The following KHDRBS2 variants were observed in gnomAD, a reference collection of about 807,000 sequenced individuals.
The protein encoded by KHDRBS2 is KH RNA binding domain containing, signal transduction associated 2, also known as KH domain-containing, RNA-binding, signal transduction-associated protein 2.
KHDRBS2 carries 26 observed loss-of-function variants against 44.3 expected under a neutral mutation model. That is an observed-to-expected ratio of 0.59 (90% CI 0.43 to 0.81). KHDRBS2 has a LOEUF of 0.81. KHDRBS2 is among the 40% of genes least tolerant of loss of function. The probability of loss-of-function intolerance (pLI) is 0.00; values close to 1 mark genes in which losing one functional copy is unlikely to be tolerated. For missense variants in KHDRBS2, 476 were observed against 433.1 expected (o/e 1.10, Z -0.88); for synonymous variants, 194 against 151.1 (o/e 1.28, Z -2.08).
chr6:61,749,010 T>TTTTTTTTTTTTTTTTTTTTTTTTTCC (rs1777254800), intron 6 of KHDRBS2, among the ~76,000 whole-genome samples: 1 of 27,322 alleles, frequency 3.7e-5, no homozygotes, highest in African/African-American at 1.8e-4. Context: ...TCTTTCTTTC[T>TTTTTTTTTTTTTTTTTTTTTTTTTCC]TTTTTTTTTT....
intron 2 of KHDRBS2, among the ~76,000 whole-genome samples, chr6:62,139,350 A>C (rs1218564958): frequency 7.9e-5 from 12 of 152,042 alleles, no homozygotes; most frequent in Non-Finnish European, 1.6e-4. Flanking sequence ...CAGGAGATCG[A>C]GACCATCCTG....
chr6:61,901,210 A>G, intron 5 of KHDRBS2, 34 bp downstream of exon 5: 1 of 1,599,942 alleles, frequency 6.3e-7, no homozygotes, highest in South Asian at 1.1e-5. Flanking sequence ...GCCTGCCATC[A>G]TCCTTAATTT....
chr6:61,806,400 C>A (rs1028050312), intron 6 of KHDRBS2, among the ~76,000 whole-genome samples: 4 of 152,030 alleles, frequency 2.6e-5, no homozygotes, highest in Non-Finnish European at 4.4e-5. Context: ...TGGAGAGATG[C>A]CCAGGAAGCT....
At chr6:62,106,489 A>G (rs1387593906) in intron 2 of KHDRBS2, among the ~76,000 whole-genome samples, 2 of 152,104 alleles carry the variant, frequency 1.3e-5, no homozygotes, top group African/African-American at 4.8e-5. Context: ...CATATTTAGG[A>G]TAGTTAGCTA....
At chr6:61,829,308 C>T (rs887232386) in intron 6 of KHDRBS2, among the ~76,000 whole-genome samples, 1 of 151,860 alleles carries the variant, frequency 6.6e-6, no homozygotes, top group Non-Finnish European at 1.5e-5. Flanking sequence ...ACTACAGGCG[C>T]CCACCGCCAC....
intron 3 of KHDRBS2, among the ~76,000 whole-genome samples, chr6:61,987,502 T>C (rs1205045062): frequency 1.3e-5 from 2 of 152,222 alleles, no homozygotes; most frequent in African/African-American, 2.4e-5. Flanking sequence ...AGGCTTTTTC[T>C]TCTTGATGCC....
chr6:61,685,209 TAGTA>T (rs1561967791), intron 8 of KHDRBS2, among the ~76,000 whole-genome samples: 1 of 151,796 alleles, frequency 6.6e-6, no homozygotes, highest in African/African-American at 2.4e-5. Flanking sequence ...CAAATATACT[TAGTA>T]AGAACACAGG....
the KHDRBS2 span, among the ~76,000 whole-genome samples, chr6:61,608,490 C>T: frequency 1.3e-5 from 2 of 151,704 alleles, no homozygotes; most frequent in African/African-American, 2.4e-5. Context: ...GCAGAACATG[C>T]AGGTTTGTTA....
intron 3 of KHDRBS2, among the ~76,000 whole-genome samples, chr6:62,002,405 T>C (rs931981973): frequency 2.6e-5 from 4 of 151,880 alleles, no homozygotes; most frequent in Admixed American, 2.0e-4. Context: ...CTGATAAAAA[T>C]ATATTTTCAA....
chr6:61,959,252 C>A (rs564568411), intron 4 of KHDRBS2, among the ~76,000 whole-genome samples: 1 of 152,248 alleles, frequency 6.6e-6, no homozygotes, highest in South Asian at 2.1e-4. Flanking sequence ...CTCTTAGTTA[C>A]CACATCACTT....
chr6:61,943,473 A>T (rs1812564427), intron 4 of KHDRBS2, among the ~76,000 whole-genome samples: 1 of 152,160 alleles, frequency 6.6e-6, no homozygotes, highest in African/African-American at 2.4e-5. Context: ...AACCTCACAT[A>T]TCAATAAACT....
chr6:61,695,882 C>T (rs1344357815), intron 8 of KHDRBS2, among the ~76,000 whole-genome samples: 1 of 152,074 alleles, frequency 6.6e-6, no homozygotes, highest in East Asian at 1.9e-4. Context: ...CCTGATGCAG[C>T]ATCATATGAA....
chr6:62,063,903 C>G (rs1450722921), intron 2 of KHDRBS2, among the ~76,000 whole-genome samples: 1 of 137,944 alleles, frequency 7.2e-6, no homozygotes, highest in Non-Finnish European at 1.6e-5. Flanking sequence ...CCCAAAATCT[C>G]CTTAAGCTGA....
At chr6:62,044,416 G>T (rs1014576825) in intron 3 of KHDRBS2, among the ~76,000 whole-genome samples, 1 of 151,792 alleles carries the variant, frequency 6.6e-6, no homozygotes, top group African/African-American at 2.4e-5. Flanking sequence ...CCAACGGTGG[G>T]TCAAAGCTGC....
chr6:61,868,753 A>G (rs1310583412), intron 6 of KHDRBS2, among the ~76,000 whole-genome samples: 1 of 152,188 alleles, frequency 6.6e-6, no homozygotes, highest in East Asian at 1.9e-4. Context: ...AGTTGGGTCC[A>G]GTCTCAGGTA....
intron 4 of KHDRBS2, among the ~76,000 whole-genome samples, chr6:61,956,583 T>TC (rs1361615446): frequency 6.6e-6 from 1 of 151,908 alleles, no homozygotes; most frequent in African/African-American, 2.4e-5. Flanking sequence ...CAATCTCCCT[T>TC]CCCTCCCTCT....
intron 2 of KHDRBS2, among the ~76,000 whole-genome samples, chr6:62,071,968 C>T (rs1795228136): frequency 6.6e-6 from 1 of 152,142 alleles, no homozygotes; most frequent in African/African-American, 2.4e-5. Context: ...TCTTCCTACC[C>T]ATGAGCATGG....
intron 1 of KHDRBS2, among the ~76,000 whole-genome samples, chr6:62,271,915 C>T (rs1840156258): frequency 6.6e-6 from 1 of 151,996 alleles, no homozygotes; most frequent in East Asian, 1.9e-4. Flanking sequence ...AAATGTAGTG[C>T]AGTCTAACTT....
chr6:61,640,531 G>T, the KHDRBS2 span, among the ~76,000 whole-genome samples: 1 of 151,972 alleles, frequency 6.6e-6, no homozygotes, highest in Admixed American at 6.6e-5. Context: ...ACCACACAAG[G>T]CTATTGAATG....
Sources: allele counts gnomAD v4.1 joint callset (sites outside exome capture counted in the v4.1 genomes callset), GRCh38; gene constraint gnomAD v4.1.1; transcripts MANE v1.5; gene names NCBI Gene and HGNC (gene_info 2026-07-23, HGNC 2026-07-21).